ADORA2B: variants seen among roughly 807,000 people sequenced by gnomAD.
ADORA2B encodes adenosine receptor A2b.
A neutral mutation model predicts 20.8 loss-of-function variants in ADORA2B; 18 were observed. The observed-to-expected ratio is 0.87, with a 90% CI of 0.60 to 1.29. ADORA2B has a LOEUF of 1.29. ADORA2B is among the 50% of genes most tolerant of loss of function. The pLI is 0.00. For missense variants in ADORA2B, 441 were observed against 422.7 expected, an observed-to-expected ratio of 1.04 and a Z score of -0.38; for synonymous variants, 179 against 178.3, an observed-to-expected ratio of 1.00 and a Z score of -0.03.
At chr17:15,968,411 C>A (rs551324164) in intron 1 of ADORA2B, among the ~76,000 whole-genome samples, 1 of 152,266 alleles carries the variant, frequency 6.6e-6, no homozygotes, top group African/African-American at 2.4e-5. Flanking sequence ...TACATACATA[C>A]CATAACATCG....
the ADORA2B span, among the ~76,000 whole-genome samples, chr17:15,905,378 T>C: frequency 6.6e-6 from 1 of 152,108 alleles, no homozygotes; most frequent in Non-Finnish European, 1.5e-5. Flanking sequence ...TGACTTGTTG[T>C]TGTTGTTTGT....
the ADORA2B span, among the ~76,000 whole-genome samples, chr17:15,867,130 C>G: frequency 2.0e-5 from 3 of 149,102 alleles, no homozygotes; most frequent in African/African-American, 7.5e-5. Flanking sequence ...GATCTCGGCT[C>G]GCTACAACCT....
At chr17:15,904,109 T>C in the ADORA2B span, among the ~76,000 whole-genome samples, 2 of 151,886 alleles carry the variant, frequency 1.3e-5, no homozygotes, top group African/African-American at 4.8e-5. Context: ...GCAGAATCTC[T>C]CTTAGCACAA....
the ADORA2B span, among the ~76,000 whole-genome samples, chr17:15,896,045 AAAAG>A: frequency 6.6e-6 from 1 of 152,340 alleles, no homozygotes; most frequent in African/African-American, 2.4e-5. Flanking sequence ...GGCAGAGAGA[AAAAG>A]AGAGAAAGTC....
chr17:15,970,051 T>C (rs1970171513), intron 1 of ADORA2B, among the ~76,000 whole-genome samples: 1 of 152,248 alleles, frequency 6.6e-6, no homozygotes, highest in Admixed American at 6.5e-5. Context: ...ATCCAAGGCC[T>C]CCATGTTTCT....
At chr17:15,882,996 T>C in the ADORA2B span, among the ~76,000 whole-genome samples, 1 of 151,444 alleles carries the variant, frequency 6.6e-6, no homozygotes, top group Non-Finnish European at 1.5e-5. Flanking sequence ...TTTAGATAAT[T>C]ACAGTCCCAA....
the ADORA2B span, among the ~76,000 whole-genome samples, chr17:15,895,584 G>T: frequency 6.6e-6 from 1 of 152,198 alleles, no homozygotes; most frequent in Non-Finnish European, 1.5e-5. Context: ...GAAATGTTCT[G>T]TATCTGCGCT....
chr17:15,940,360 A>G (rs1182821505), upstream of ADORA2B, among the ~76,000 whole-genome samples: 1 of 152,218 alleles, frequency 6.6e-6, no homozygotes, highest in Non-Finnish European at 1.5e-5. Context: ...CCTCAGGAAA[A>G]GCGGAGCCAG....
the ADORA2B span, among the ~76,000 whole-genome samples, chr17:15,873,892 G>T: frequency 1.3e-5 from 2 of 151,790 alleles, no homozygotes; most frequent in African/African-American, 2.4e-5. Context: ...CCTACTACTG[G>T]GTATCTACCC....
At chr17:15,942,337 A>G (rs543905285), upstream of ADORA2B, among the ~76,000 whole-genome samples, 1 of 152,082 alleles carries the variant, frequency 6.6e-6, no homozygotes, top group African/African-American at 2.4e-5. Context: ...TGCTTTCCCC[A>G]TGTGACATGC....
chr17:15,865,738 A>G, the ADORA2B span, among the ~76,000 whole-genome samples: 52 of 151,884 alleles, frequency 3.4e-4, no homozygotes, highest in African/African-American at 1.1e-3. Context: ...GATTTTCACA[A>G]AAGTATGCAG....
chr17:15,910,428 G>A, the ADORA2B span, among the ~76,000 whole-genome samples: 1 of 151,772 alleles, frequency 6.6e-6, no homozygotes, highest in Non-Finnish European at 1.5e-5. Context: ...CTCCTAAGTA[G>A]CTAGAATTAC....
the ADORA2B span, among the ~76,000 whole-genome samples, chr17:15,852,143 T>A: frequency 6.6e-6 from 1 of 152,240 alleles, no homozygotes; most frequent in African/African-American, 2.4e-5. Flanking sequence ...CTTTTTTATA[T>A]GTAATGCTAT....
At chr17:15,878,520 A>G in the ADORA2B span, among the ~76,000 whole-genome samples, 3 of 152,180 alleles carry the variant, frequency 2.0e-5, no homozygotes, top group South Asian at 6.2e-4. Flanking sequence ...GGCATTTTTC[A>G]TTATTTCATT....
At chr17:15,928,714 A>C in the ADORA2B span, among the ~76,000 whole-genome samples, 1 of 152,088 alleles carries the variant, frequency 6.6e-6, no homozygotes, top group African/African-American at 2.4e-5. Flanking sequence ...TGTTGGAGGG[A>C]AAGAGCGTTG....
the ADORA2B span, among the ~76,000 whole-genome samples, chr17:15,856,916 A>G: frequency 6.6e-6 from 1 of 152,370 alleles, no homozygotes; most frequent in South Asian, 2.1e-4. Context: ...AGAAATTTAC[A>G]TAACAAGGAG....
chr17:15,899,717 G>T, the ADORA2B span, among the ~76,000 whole-genome samples: 1 of 151,682 alleles, frequency 6.6e-6, no homozygotes, highest in Non-Finnish European at 1.5e-5. Context: ...GTTTCTATGT[G>T]GGTTAGCTTA....
intron 1 of ADORA2B, among the ~76,000 whole-genome samples, chr17:15,958,159 C>A (rs1300665076): frequency 6.6e-6 from 1 of 152,130 alleles, no homozygotes; most frequent in Non-Finnish European, 1.5e-5. Context: ...GCTGGGATTA[C>A]AGGCGTGCGC....
At chr17:15,924,632 C>T in the ADORA2B span, among the ~76,000 whole-genome samples, 1 of 151,822 alleles carries the variant, frequency 6.6e-6, no homozygotes, top group African/African-American at 2.4e-5. Flanking sequence ...CCCAGCTACT[C>T]AGGAGGCTGA....
Sources: allele counts gnomAD v4.1 joint callset (sites outside exome capture counted in the v4.1 genomes callset), GRCh38; gene constraint gnomAD v4.1.1; transcripts MANE v1.5; gene names NCBI Gene and HGNC (gene_info 2026-07-23, HGNC 2026-07-21).